The following CD84 variants were observed in gnomAD, a reference collection of about 807,000 sequenced individuals.
CD84 encodes the protein SLAM family member 5.
CD84 carries 22 observed loss-of-function variants against 33.8 expected under a neutral mutation model. The observed-to-expected ratio is 0.65, with a 90% CI of 0.46 to 0.93. CD84 has a LOEUF of 0.93. Among genes scored for constraint, CD84 ranks in the 40% least tolerant of loss-of-function variants. The probability of loss-of-function intolerance (pLI) is 0.00; values close to 1 mark genes in which losing one functional copy is unlikely to be tolerated. For missense variants in CD84, 400 were observed against 397.6 expected (o/e 1.01, Z -0.05); for synonymous variants, 154 against 145.2 (o/e 1.06, Z -0.44).
chr1:160,564,658 C>T (rs1657203675), intron 2 of CD84, among the ~76,000 whole-genome samples: 1 of 152,168 alleles, frequency 6.6e-6, no homozygotes, highest in Non-Finnish European at 1.5e-5. Flanking sequence ...AATACCCAAC[C>T]TCAAAAAGAT....
At chr1:160,567,981 G>A (rs1187548642) in intron 1 of CD84, among the ~76,000 whole-genome samples, 3 of 152,056 alleles carry the variant, frequency 2.0e-5, no homozygotes, top group Non-Finnish European at 4.4e-5. Flanking sequence ...TAAACAAGGG[G>A]CCCTCCATTT....
chr1:160,554,454 G>A (rs1271321254), intron 2 of CD84, among the ~76,000 whole-genome samples: 1 of 152,100 alleles, frequency 6.6e-6, no homozygotes, highest in Admixed American at 6.5e-5. Flanking sequence ...CATGGTAGGA[G>A]TATTACCCCA....
chr1:160,554,653 A>G (rs188443730), intron 2 of CD84, among the ~76,000 whole-genome samples: 9 of 152,376 alleles, frequency 5.9e-5, no homozygotes. Flanking sequence ...TATCCAATTC[A>G]GCAAAGAAGT....
In CD84 at chr1:160,554,546, G is replaced by A. The variant is rs142501614; in HGVS notation, c.389-400C>T. 2.4e-3 allele frequency among the ~76,000 whole-genome samples: 369 copies of A among 152,294 alleles called. 5 individuals are homozygous for A. In the East Asian group the frequency reaches 0.038, roughly 16 times the overall value. Reference sequence around the variant, plus strand: ...CTCTAGACTTAAGATAGCAATGGAGGAATGCAGATGAAACTTAAAATTGTA... The same window carrying A: ...CTCTAGACTTAAGATAGCAATGGAGAAATGCAGATGAAACTTAAAATTGTA... On this transcript the variant is annotated intron_variant, in intron 2 of 6. Transcript: ENST00000368054.
intron 2 of CD84, among the ~76,000 whole-genome samples, chr1:160,558,414 G>A (rs1656748753): frequency 6.6e-6 from 1 of 152,006 alleles, no homozygotes; most frequent in African/African-American, 2.4e-5. Flanking sequence ...CCTGACTATT[G>A]AAAGAAAAAC....
In CD84 at chr1:160,546,823, A is replaced by T. The variant is rs1214619670; in HGVS notation, c.*1433T>A. 3 of 284,392 alleles carry T rather than the reference A, an allele frequency of 1.1e-5. No homozygotes were observed. In the Admixed American group the frequency reaches 1.6e-4, roughly 15 times the overall value. The allele number at this position is 284,392 out of a possible 1,614,324, so 17.6% of individuals were successfully genotyped here. A position where few individuals can be genotyped will look rare whatever the true frequency, so the allele number is the denominator to read the frequency against. On this transcript the variant is annotated 3_prime_UTR_variant, in exon 7 of 7. Coordinates refer to ENST00000368054, the MANE Select transcript of CD84 (RefSeq NM_003874.4). ...GCTGGAATTGTCTCCTGAGCTACAC[A>T]AGAGCAGACATTATGCACATCTTCT...
In CD84 at chr1:160,546,228, T is replaced by C. The variant is rs1655823572; in HGVS notation, c.*2028A>G. 1 of 152,224 alleles carries C rather than the reference T, an allele frequency of 6.6e-6. No individual in the cohort carries two copies. The highest frequency in any genetic ancestry group is 2.1e-4 in the South Asian group (1 of 4,828). 9.4% of individuals were successfully genotyped at this position (152,224 alleles called of 1,614,324 possible). A position where few individuals can be genotyped will look rare whatever the true frequency, so the allele number is the denominator to read the frequency against. On this transcript the variant is annotated 3_prime_UTR_variant, in exon 7 of 7. Coordinates refer to ENST00000368054, the MANE Select transcript of CD84 (RefSeq NM_003874.4). The stretch of plus-strand genomic sequence containing the variant: ...ATCTCGAACTCCTGACCTCAGGTGA[T>C]CCGCCTGCCTTGGCCTCCCAAAGTG...
intron 1 of CD84, 33 bp from the exon 2 acceptor site, chr1:160,565,778 G>T: frequency 6.7e-7 from 1 of 1,494,422 alleles, no homozygotes; most frequent in South Asian, 1.4e-5. Flanking sequence ...GTAGCCATCT[G>T]ACTGTTGCAG....
chr1:160,541,899 T>C lies in CD84; in HGVS notation c.*6357A>G, dbSNP rs141819745. 65 of 152,172 alleles carry C rather than the reference T, an allele frequency of 4.3e-4. No homozygotes were observed. Among genetic ancestry groups the C allele is most frequent in the African/African-American group, 1.5e-3 (61 of 41,494 alleles). The allele number at this position is 152,172 out of a possible 1,614,324, so 9.4% of individuals were successfully genotyped here. Reference sequence around the variant, plus strand: ...AAGCAATGATCTGAGGGAGTGAGCATGTAGAGGGAAGGTGTATTAGAGAAT... The same window carrying C: ...AAGCAATGATCTGAGGGAGTGAGCACGTAGAGGGAAGGTGTATTAGAGAAT... On this transcript the variant is annotated 3_prime_UTR_variant, in exon 7 of 7. Coordinates refer to ENST00000368054, the MANE Select transcript of CD84 (RefSeq NM_003874.4).
At position 160,565,476 on chromosome 1, in the gene CD84, C is replaced by T. The variant is rs767564209; in HGVS notation, c.316G>A (p.Asp106Asn). The change falls in exon 2 of 7, where the codon GAC becomes AAC. Residue 106 changes from aspartate (D) to asparagine (N), a missense_variant. Asp to Asn is a conservative substitution (Grantham distance 23). Coordinates refer to ENST00000368054, the MANE Select transcript of CD84 (RefSeq NM_003874.4). ...ISDLRMEDAGDYKADINTQAD... is the reference protein window; with the variant it reads ...ISDLRMEDAGNYKADINTQAD... ...TGTGTATTTATGTCTGCTTTGTAGT[C>T]TCCTGCGTCTTCCATCCTCAGATCG... 2 of 1,613,860 alleles carry T rather than the reference C, an allele frequency of 1.2e-6. No individual in the cohort carries two copies. The highest frequency in any genetic ancestry group is 2.2e-5 in the South Asian group (2 of 91,068).
At chr1:160,558,923 GA>G (rs1429771226) in intron 2 of CD84, among the ~76,000 whole-genome samples, 2 of 151,566 alleles carry the variant, frequency 1.3e-5, no homozygotes, top group African/African-American at 4.8e-5. Context: ...AGGCAGACAA[GA>G]AAAAAGAAAA....
Position 160,547,960 on chromosome 1 carries a change from C to A in CD84, c.*296G>T. 1 of 398,528 alleles carries A rather than the reference C, an allele frequency of 2.5e-6. No individual in the cohort carries two copies. The highest frequency in any genetic ancestry group is 4.7e-6 in the Non-Finnish European group (1 of 212,744). 24.7% of individuals were successfully genotyped at this position (398,528 alleles called of 1,614,324 possible). On this transcript the variant is annotated 3_prime_UTR_variant, in exon 7 of 7. Coordinates refer to ENST00000368054, the MANE Select transcript of CD84 (RefSeq NM_003874.4). ...ATCTTGCTTGTTTATCCCAGTGTGCCATAAAAATATTATTTTCTACATGTG... is the reference window on the plus strand; with the variant it reads ...ATCTTGCTTGTTTATCCCAGTGTGCAATAAAAATATTATTTTCTACATGTG...
At chr1:160,557,177 G>A (rs1263905755) in intron 2 of CD84, among the ~76,000 whole-genome samples, 3 of 152,204 alleles carry the variant, frequency 2.0e-5, no homozygotes, top group African/African-American at 4.8e-5. Flanking sequence ...CTTTGGAACA[G>A]AGAGGTTAAA....
chr1:160,578,735 T>C (rs770106378), intron 1 of CD84, among the ~76,000 whole-genome samples: 2 of 152,208 alleles, frequency 1.3e-5, no homozygotes, highest in African/African-American at 4.8e-5. Flanking sequence ...ATGTCGTTCT[T>C]TTAGTTTACT....
intron 1 of CD84, among the ~76,000 whole-genome samples, chr1:160,575,504 C>CAA (rs35377478): frequency 6.6e-6 from 1 of 150,584 alleles, no homozygotes; most frequent in Non-Finnish European, 1.5e-5. Context: ...AACACACACA[C>CAA]ACACACACAC....
chr1:160,578,514 G>A (rs906690825), intron 1 of CD84, among the ~76,000 whole-genome samples: 4 of 152,118 alleles, frequency 2.6e-5, no homozygotes, highest in African/African-American at 4.8e-5. Context: ...AAACGTACTA[G>A]GTTCCCAGGG....
chr1:160,556,442 G>C (rs1227443090), intron 2 of CD84, among the ~76,000 whole-genome samples: 3 of 152,098 alleles, frequency 2.0e-5, no homozygotes. Flanking sequence ...AGATTTTGAA[G>C]ATAAAGATTA....
intron 1 of CD84, among the ~76,000 whole-genome samples, chr1:160,578,965 T>A (rs1658135057): frequency 6.6e-6 from 1 of 152,166 alleles, no homozygotes; most frequent in Non-Finnish European, 1.5e-5. Context: ...TCTAACCTGA[T>A]AGAACAATCA....
At chr1:160,568,138 A>G (rs1342873165) in intron 1 of CD84, among the ~76,000 whole-genome samples, 3 of 152,156 alleles carry the variant, frequency 2.0e-5, no homozygotes, top group Non-Finnish European at 4.4e-5. Flanking sequence ...GAGACAGAAC[A>G]TAGATTCCAC....
Sources: allele counts gnomAD v4.1 joint callset (sites outside exome capture counted in the v4.1 genomes callset), GRCh38; gene constraint gnomAD v4.1.1; transcripts MANE v1.5; gene names NCBI Gene and HGNC (gene_info 2026-07-23, HGNC 2026-07-21).